The following STT3B variants were observed in gnomAD, a reference collection of about 807,000 sequenced individuals.
STT3B encodes the protein STT3 oligosaccharyltransferase complex catalytic subunit B.
In STT3B, 29 loss-of-function variants were observed where a neutral mutation model predicts 96.8. The observed-to-expected ratio is 0.30, with a 90% CI of 0.22 to 0.41. The LOEUF (loss-of-function observed/expected upper bound fraction) is 0.41. STT3B is among the 10% of genes least tolerant of loss of function. The pLI, the probability that STT3B is intolerant of heterozygous loss-of-function variation, is 1.00. For missense variants in STT3B, 640 were observed against 1,022.3 expected (o/e 0.63, Z 5.10); for synonymous variants, 367 against 360.0 (o/e 1.02, Z -0.22).
chr3:31,585,368 A>G (rs993723961), intron 3 of STT3B, among the ~76,000 whole-genome samples: 42 of 152,136 alleles, frequency 2.8e-4, no homozygotes, highest in African/African-American at 9.6e-4. Context: ...ATATGGAAGT[A>G]ATAATTGTAC....
chr3:31,606,892 C>T (rs548163981), intron 5 of STT3B, among the ~76,000 whole-genome samples: 2 of 152,330 alleles, frequency 1.3e-5, no homozygotes, highest in Admixed American at 6.5e-5. Flanking sequence ...AGGCTGTACC[C>T]TGTAAAGCCA....
intron 5 of STT3B, among the ~76,000 whole-genome samples, chr3:31,614,008 T>C (rs147874874): frequency 2.0e-5 from 3 of 150,932 alleles, no homozygotes; most frequent in African/African-American, 7.4e-5. Context: ...TCATCTCTTA[T>C]CATATAGATT....
intron 5 of STT3B, among the ~76,000 whole-genome samples, chr3:31,612,713 G>A (rs1027487838): frequency 3.9e-5 from 6 of 152,030 alleles, no homozygotes; most frequent in Non-Finnish European, 8.8e-5. Context: ...GAGTATTATC[G>A]GGTCTCCTCT....
At chr3:31,586,414 A>T (rs909281132) in intron 3 of STT3B, among the ~76,000 whole-genome samples, 1 of 151,892 alleles carries the variant, frequency 6.6e-6, no homozygotes, top group East Asian at 1.9e-4. Context: ...GGAATGTATC[A>T]GCTTTTTTTT....
In STT3B at chr3:31,532,934, C is replaced by T. The variant is rs1038812278; in HGVS notation, c.-65C>T. 1.8e-5 allele frequency: 28 copies of T among 1,527,212 alleles called. 1 individual carries two copies. In the South Asian group the frequency reaches 3.2e-4, roughly 17 times the overall value. 94.6% of individuals were successfully genotyped at this position (1,527,212 alleles called of 1,614,324 possible). ...CCTCCTCCTCCTCCGGGTCCCCGCC[C>T]AGCACCCCTCGCACCAGGCGGCGGC... is the stretch of plus-strand genomic sequence containing the variant. On this transcript the variant is annotated 5_prime_UTR_variant, in exon 1 of 16. Transcript: ENST00000295770.
chr3:31,631,781 G>A lies in STT3B; in HGVS notation c.2188-1154G>A, dbSNP rs574004160. On this transcript the variant is annotated intron_variant, in intron 14 of 15. Transcript: ENST00000295770. ...GCCAAGATGGCGAAACCCAGTCTCT[G>A]TTTAAAAAAAAAAAATGGAAAAAAA... 2.8e-3 allele frequency among the ~76,000 whole-genome samples: 426 copies of A among 149,500 alleles called. 5 individuals are homozygous for A. The highest frequency in any genetic ancestry group is 1.0e-2 in the African/African-American group (404 of 40,494).
At chr3:31,550,174 AG>A (rs1697516998) in intron 1 of STT3B, among the ~76,000 whole-genome samples, 1 of 152,238 alleles carries the variant, frequency 6.6e-6, no homozygotes, top group Non-Finnish European at 1.5e-5. Context: ...GCAGAAATTA[AG>A]AGATGGTACT....
Position 31,634,676 on chromosome 3 carries a change from A to G in STT3B, c.2401-1308A>G, listed in dbSNP as rs60764959. Among the ~76,000 whole-genome samples the G allele has an allele frequency of 2.6e-3, 401 of 152,294 alleles. 2 individuals carry two copies. Among genetic ancestry groups the G allele is most frequent in the African/African-American group, 9.5e-3 (393 of 41,548 alleles). ...AAGCCGGCATGACTAAGGCACTAGA[A>G]ATTGTAGTCCAGGCTGCAGAAAAGG... On this transcript the variant is annotated intron_variant, in intron 15 of 15. Transcript: ENST00000295770.
At chr3:31,620,517 A>G (rs1457079680) in intron 9 of STT3B, among the ~76,000 whole-genome samples, 2 of 152,158 alleles carry the variant, frequency 1.3e-5, no homozygotes, top group Non-Finnish European at 2.9e-5. Context: ...ACCATTTTAT[A>G]GCGGAATAAG....
chr3:31,547,439 G>A (rs572147247), intron 1 of STT3B, among the ~76,000 whole-genome samples: 1 of 152,280 alleles, frequency 6.6e-6, no homozygotes, highest in Admixed American at 6.5e-5. Flanking sequence ...GAGGTCAGGA[G>A]TTCGAGACCA....
intron 1 of STT3B, among the ~76,000 whole-genome samples, chr3:31,552,699 T>A (rs911453162): frequency 6.6e-5 from 10 of 152,176 alleles, no homozygotes; most frequent in African/African-American, 2.4e-4. Flanking sequence ...AAGTTAGATG[T>A]CAGTTGTAGA....
At chr3:31,608,398 T>C (rs773662425) in intron 5 of STT3B, among the ~76,000 whole-genome samples, 1 of 148,818 alleles carries the variant, frequency 6.7e-6, no homozygotes, top group Non-Finnish European at 1.5e-5. Context: ...CAGTGGATAT[T>C]TTAGAGGTTA....
chr3:31,604,157 G>T (rs1275165158), intron 5 of STT3B, among the ~76,000 whole-genome samples: 1 of 152,088 alleles, frequency 6.6e-6, no homozygotes, highest in Non-Finnish European at 1.5e-5. Flanking sequence ...GAGAGTAACA[G>T]TTGTTTTTCA....
In STT3B at chr3:31,612,336, C is replaced by T. The variant is rs571575758; in HGVS notation, c.878-2769C>T. 7.9e-5 allele frequency among the ~76,000 whole-genome samples: 12 copies of T among 152,208 alleles called. No homozygotes were observed. The South Asian group carries it at 2.3e-3, about 29-fold the overall frequency. On this transcript the variant is annotated intron_variant, in intron 5 of 15. Transcript: ENST00000295770. ...AATGTGAAAAATAGGTACTTGGGTC[C>T]AGTTCTCTTAAAAGTAAATGCTTAT...
intron 4 of STT3B, among the ~76,000 whole-genome samples, chr3:31,597,843 A>T (rs9835139): frequency 0.66 from 97,227 of 148,280 alleles, 32,335 homozygotes; most frequent in Non-Finnish European, 0.72. Context: ...TATTATTATT[A>T]TTTTTTTTTT....
chr3:31,570,767 T>C (rs755745226), intron 1 of STT3B, among the ~76,000 whole-genome samples: 11 of 152,044 alleles, frequency 7.2e-5, no homozygotes, highest in Non-Finnish European at 1.2e-4. Context: ...ATGGAAGATT[T>C]GTAGTCAAGG....
chr3:31,561,120 CTT>C (rs934617439), intron 1 of STT3B, among the ~76,000 whole-genome samples: 1 of 151,800 alleles, frequency 6.6e-6, no homozygotes, highest in African/African-American at 2.4e-5. Context: ...ATATCTACCT[CTT>C]GAGTAAATTT....
At position 31,626,028 on chromosome 3, in the gene STT3B, G is replaced by C; in HGVS notation, c.1974G>C (p.Leu658Phe). Reference protein sequence around the residue: ...IMRTLDVDYVLVIFGGVIGYS... With the variant: ...IMRTLDVDYVFVIFGGVIGYS... ...GGACTCTAGATGTAGATTATGTTTT[G>C]GTTATTTTTGGAGGGGTTATTGGCT... Residue 658 changes from leucine (L) to phenylalanine (F), a missense_variant, in exon 13 of 16, where the codon TTG becomes TTC. Around this residue, in one of 8 missense-constraint regions of STT3B, gnomAD observed 149 missense variants for 250.2 expected, o/e 0.60. Coordinates refer to ENST00000295770, the MANE Select transcript of STT3B (RefSeq NM_178862.3). The C allele has an allele frequency of 1.2e-6, 2 of 1,613,582 alleles. No homozygotes were observed. The highest frequency in any genetic ancestry group is 1.7e-6 in the Non-Finnish European group (2 of 1,179,730).
intron 1 of STT3B, among the ~76,000 whole-genome samples, chr3:31,566,684 A>G (rs150824735): frequency 6.6e-6 from 1 of 152,136 alleles, no homozygotes; most frequent in Admixed American, 6.5e-5. Context: ...ATAGGACCTC[A>G]TTTATACCCT....
Sources: allele counts gnomAD v4.1 joint callset (sites outside exome capture counted in the v4.1 genomes callset), GRCh38; gene constraint gnomAD v4.1.1; regional missense constraint gnomAD v4.1.1; transcripts MANE v1.5; gene names NCBI Gene and HGNC (gene_info 2026-07-23, HGNC 2026-07-21).